Variants in FRMD5 observed in about 807,000 individuals in gnomAD.
FRMD5 encodes the protein FERM domain-containing protein 5.
A neutral mutation model predicts 69.0 loss-of-function variants in FRMD5; 20 were observed. The ratio of observed to expected loss-of-function variants is 0.29; its 90% CI spans 0.20 to 0.42. FRMD5 has a LOEUF of 0.42. Ranked by LOEUF, FRMD5 falls within the 10% of genes least tolerant of loss-of-function variation. The probability of loss-of-function intolerance (pLI) is 1.00; values close to 1 mark genes in which losing one functional copy is unlikely to be tolerated. For missense variants in FRMD5, 595 were observed against 708.6 expected (o/e 0.84, Z 1.82); for synonymous variants, 271 against 260.1 (o/e 1.04, Z -0.40).
Position 44,181,119 on chromosome 15 carries a change from A to G in FRMD5, c.102+13834T>C, listed in dbSNP as rs574247580. Among the ~76,000 whole-genome samples, 13 of 152,284 alleles carry G rather than the reference A, an allele frequency of 8.5e-5. No individual in the cohort carries two copies. In the South Asian group the frequency reaches 2.7e-3, roughly 32 times the overall value. On this transcript the variant is annotated intron_variant, in intron 1 of 13. Transcript: ENST00000417257. ...CAGTGGTCTGATGACAACTCACTGC[A>G]GCCTCCAACTCTGGGGCTCGAGCAA...
At chr15:44,100,332 C>T (rs1370883468) in intron 1 of FRMD5, among the ~76,000 whole-genome samples, 2 of 151,954 alleles carry the variant, frequency 1.3e-5, no homozygotes, top group Admixed American at 6.6e-5. Flanking sequence ...GCTGGGATTA[C>T]AGGCATGAGC....
At chr15:44,194,159 A>G (rs745861035) in intron 1 of FRMD5, 1 of 152,276 alleles carries the variant, frequency 6.6e-6, no homozygotes, top group Non-Finnish European at 1.5e-5. Flanking sequence ...GCGAAGGAAC[A>G]TGAGCAAGAG....
At chr15:44,006,038 A>T (rs559974875) in intron 1 of FRMD5, among the ~76,000 whole-genome samples, 1 of 152,336 alleles carries the variant, frequency 6.6e-6, no homozygotes, top group African/African-American at 2.4e-5. Flanking sequence ...AGAAGATGCC[A>T]TCTAGGACTT....
chr15:43,878,271 G>C (rs2088420575), intron 13 of FRMD5, among the ~76,000 whole-genome samples: 1 of 152,064 alleles, frequency 6.6e-6, no homozygotes, highest in Non-Finnish European at 1.5e-5. Flanking sequence ...AAAAAAAAAA[G>C]TTTAATTGTA....
chr15:43,971,666 G>C (rs1307373480), intron 1 of FRMD5, among the ~76,000 whole-genome samples: 1 of 151,072 alleles, frequency 6.6e-6, no homozygotes, highest in Non-Finnish European at 1.5e-5. Context: ...CAATAGGGTT[G>C]AAATGACATT....
At chr15:43,952,131 G>A (rs572019724) in intron 1 of FRMD5, among the ~76,000 whole-genome samples, 3 of 151,852 alleles carry the variant, frequency 2.0e-5, no homozygotes, top group Admixed American at 1.3e-4. Context: ...AACAAACAAC[G>A]ATCTGCTCAG....
upstream of FRMD5, among the ~76,000 whole-genome samples, chr15:44,197,609 G>A (rs182836343): frequency 2.5e-3 from 374 of 149,846 alleles, no homozygotes; most frequent in Non-Finnish European, 4.8e-3. Context: ...TTGAACCTGG[G>A]AGGCGAAGGT....
chr15:44,091,591 T>G (rs976614669), intron 1 of FRMD5, among the ~76,000 whole-genome samples: 1 of 152,190 alleles, frequency 6.6e-6, no homozygotes, highest in Admixed American at 6.6e-5. Flanking sequence ...CAAGATTTTG[T>G]GATGGGAAAA....
At chr15:43,993,992 T>C (rs929633618) in intron 1 of FRMD5, among the ~76,000 whole-genome samples, 1 of 152,230 alleles carries the variant, frequency 6.6e-6, no homozygotes, top group Non-Finnish European at 1.5e-5. Context: ...GAGTGTCTTG[T>C]AGGAAGCATA....
Position 44,134,294 on chromosome 15 carries a change from A to C in FRMD5, c.102+60659T>G, listed in dbSNP as rs117409155. ...CCAGCTTTACAAATACTTACAAAAG[A>C]ATATCTGGAAGGTGAAGGCCCAAAA... On this transcript the variant is annotated intron_variant, in intron 1 of 13. Coordinates refer to ENST00000417257, the MANE Select transcript of FRMD5 (RefSeq NM_032892.5). Among the ~76,000 whole-genome samples the C allele has an allele frequency of 3.2e-4, 48 of 152,242 alleles. 1 individual carries two copies. In the East Asian group the frequency reaches 9.1e-3, roughly 29 times the overall value.
chr15:43,965,141 T>A (rs534488687), intron 1 of FRMD5, among the ~76,000 whole-genome samples: 7 of 152,214 alleles, frequency 4.6e-5, no homozygotes, highest in Admixed American at 2.0e-4. Flanking sequence ...CCCTTATTAA[T>A]GAAAGATGCA....
At chr15:44,064,326 C>A (rs1419084708) in intron 1 of FRMD5, 1 of 154,766 alleles carries the variant, frequency 6.5e-6, no homozygotes, top group Non-Finnish European at 1.4e-5. Flanking sequence ...CAGTAAAACT[C>A]ATGCCTGTAA....
At chr15:44,085,116 C>A (rs964155914) in intron 1 of FRMD5, among the ~76,000 whole-genome samples, 3 of 152,098 alleles carry the variant, frequency 2.0e-5, no homozygotes, top group African/African-American at 7.2e-5. Flanking sequence ...GCAATTGCAA[C>A]AATCAGTTTG....
At chr15:44,006,626 T>C (rs1215472773) in intron 1 of FRMD5, among the ~76,000 whole-genome samples, 3 of 152,168 alleles carry the variant, frequency 2.0e-5, no homozygotes, top group Non-Finnish European at 4.4e-5. Flanking sequence ...TTATCAACAT[T>C]AACAGGAGTT....
chr15:44,103,526 G>C (rs1446204682), intron 1 of FRMD5, among the ~76,000 whole-genome samples: 1 of 152,164 alleles, frequency 6.6e-6, no homozygotes, highest in African/African-American at 2.4e-5. Context: ...CAGCTTTATA[G>C]AGGGATAACT....
chr15:43,987,597 C>G (rs987409302), intron 1 of FRMD5, among the ~76,000 whole-genome samples: 1 of 152,090 alleles, frequency 6.6e-6, no homozygotes, highest in Non-Finnish European at 1.5e-5. Context: ...CTCTGTCACC[C>G]AAGCTAGAGT....
intron 1 of FRMD5, among the ~76,000 whole-genome samples, chr15:44,152,290 CCTT>C (rs1187696939): frequency 1.3e-5 from 2 of 152,116 alleles, no homozygotes; most frequent in Non-Finnish European, 2.9e-5. Flanking sequence ...TTTGTGTCTC[CCTT>C]CTTTTGCTCA....
intron 1 of FRMD5, among the ~76,000 whole-genome samples, chr15:44,092,733 C>G (rs531449449): frequency 6.6e-6 from 1 of 152,084 alleles, no homozygotes; most frequent in Admixed American, 6.6e-5. Flanking sequence ...CTTCTGCACC[C>G]AGAATCCTCT....
intron 1 of FRMD5, chr15:44,194,745 C>A: frequency 1.5e-6 from 1 of 657,892 alleles, no homozygotes; most frequent in South Asian, 1.6e-5. Context: ...ACTCGCCCCG[C>A]GGCGGCGGTG....
Sources: gnomAD v4.1 joint callset for allele counts (sites outside exome capture counted in the v4.1 genomes callset) on GRCh38, gnomAD v4.1.1 for gene constraint, MANE v1.5 for transcripts, NCBI Gene and HGNC (gene_info 2026-07-23, HGNC 2026-07-21) for gene names.